AKAP19: variants seen among roughly 807,000 people sequenced by gnomAD.
AKAP19 encodes small A-kinase anchoring protein.
the AKAP19 span, among the ~76,000 whole-genome samples, chr2:190,185,127 T>C: frequency 2.6e-5 from 4 of 152,362 alleles, no homozygotes; most frequent in Admixed American, 1.3e-4. Context: ...AAATTACATA[T>C]ACTGCTGCCT....
At chr2:189,880,952 G>A in the AKAP19 span, among the ~76,000 whole-genome samples, 1 of 152,116 alleles carries the variant, frequency 6.6e-6, no homozygotes, top group Non-Finnish European at 1.5e-5. Context: ...AAATAATCTT[G>A]AGGTGAGCCA....
the AKAP19 span, among the ~76,000 whole-genome samples, chr2:189,993,342 C>T: frequency 6.6e-6 from 1 of 152,070 alleles, no homozygotes; most frequent in Non-Finnish European, 1.5e-5. Flanking sequence ...TTAAACTATC[C>T]CTCCATCCCT....
At chr2:190,188,604 A>G in the AKAP19 span, among the ~76,000 whole-genome samples, 3 of 148,934 alleles carry the variant, frequency 2.0e-5, no homozygotes, top group Admixed American at 2.0e-4. Flanking sequence ...CCTCCTTATG[A>G]ATCAACTATC....
chr2:190,058,364 A>T, the AKAP19 span, among the ~76,000 whole-genome samples: 1 of 151,980 alleles, frequency 6.6e-6, no homozygotes, highest in Non-Finnish European at 1.5e-5. Context: ...TCTACCTATA[A>T]AAAGGAACAC....
the AKAP19 span, among the ~76,000 whole-genome samples, chr2:190,196,982 G>C: frequency 6.6e-6 from 1 of 152,122 alleles, no homozygotes; most frequent in African/African-American, 2.4e-5. Flanking sequence ...CCAAGTTTAA[G>C]GCATGAGCAT....
At chr2:190,177,483 C>A in the AKAP19 span, among the ~76,000 whole-genome samples, 1 of 152,154 alleles carries the variant, frequency 6.6e-6, no homozygotes, top group African/African-American at 2.4e-5. The surrounding 1 kb of genome is among the most constrained non-coding windows in gnomAD (Gnocchi z 4.6). Context: ...AATCCCAGGG[C>A]CCGGATCCTT....
At chr2:189,986,403 C>T in the AKAP19 span, among the ~76,000 whole-genome samples, 1 of 147,016 alleles carries the variant, frequency 6.8e-6, no homozygotes, top group Non-Finnish European at 1.5e-5. Flanking sequence ...AAAAACAAAA[C>T]ACAAAAAAGA....
chr2:190,026,493 A>G, the AKAP19 span, among the ~76,000 whole-genome samples: 1 of 152,338 alleles, frequency 6.6e-6, no homozygotes, highest in Non-Finnish European at 1.5e-5. Flanking sequence ...TGGGAGAAGC[A>G]TATAGGAAAT....
chr2:189,938,048 T>C, the AKAP19 span, among the ~76,000 whole-genome samples: 1 of 152,096 alleles, frequency 6.6e-6, no homozygotes, highest in African/African-American at 2.4e-5. Flanking sequence ...GAAAATGTGG[T>C]ACTTAGGCCA....
At chr2:190,153,470 G>A in the AKAP19 span, among the ~76,000 whole-genome samples, 1 of 152,142 alleles carries the variant, frequency 6.6e-6, no homozygotes, top group Admixed American at 6.5e-5. Flanking sequence ...TCTTTGTCTA[G>A]TTCCAGACTT....
the AKAP19 span, among the ~76,000 whole-genome samples, chr2:189,995,698 G>T: frequency 6.6e-6 from 1 of 151,170 alleles, no homozygotes; most frequent in Non-Finnish European, 1.5e-5. Flanking sequence ...TTTTTTCACC[G>T]TGTTGTTGTT....
the AKAP19 span, among the ~76,000 whole-genome samples, chr2:190,191,468 C>A: frequency 2.0e-5 from 3 of 152,134 alleles, no homozygotes; most frequent in African/African-American, 7.2e-5. Context: ...TTTATGTGAA[C>A]ACAAATTTTC....
chr2:190,006,426 T>A, the AKAP19 span, among the ~76,000 whole-genome samples: 72 of 151,806 alleles, frequency 4.7e-4, no homozygotes, highest in African/African-American at 1.6e-3. Flanking sequence ...GACGGGCAGA[T>A]CATGAGGTCA....
At chr2:189,955,160 C>T in the AKAP19 span, among the ~76,000 whole-genome samples, 3 of 152,096 alleles carry the variant, frequency 2.0e-5, no homozygotes, top group Non-Finnish European at 2.9e-5. Flanking sequence ...TGCATGTACC[C>T]GTTGTTTAGC....
the AKAP19 span, among the ~76,000 whole-genome samples, chr2:190,171,250 AGTG>A: frequency 3.3e-5 from 5 of 151,988 alleles, no homozygotes; most frequent in African/African-American, 1.2e-4. Context: ...AAAAACAAAC[AGTG>A]CAATTCTCAT....
chr2:189,938,818 G>A, the AKAP19 span, among the ~76,000 whole-genome samples: 88 of 152,122 alleles, frequency 5.8e-4, no homozygotes, highest in Non-Finnish European at 1.1e-3. Context: ...AAAACATCTC[G>A]TGTACCCCAT....
the AKAP19 span, among the ~76,000 whole-genome samples, chr2:189,959,636 C>T: frequency 6.6e-6 from 1 of 152,264 alleles, no homozygotes; most frequent in South Asian, 2.1e-4. Flanking sequence ...AACATGTTGG[C>T]CACCTGCAAC....
chr2:190,130,534 C>T, the AKAP19 span, among the ~76,000 whole-genome samples: 1 of 152,160 alleles, frequency 6.6e-6, no homozygotes, highest in Non-Finnish European at 1.5e-5. Context: ...TCTCTTACCC[C>T]TGCAGTATGG....
At chr2:190,193,093 AAG>A in the AKAP19 span, among the ~76,000 whole-genome samples, 1 of 152,112 alleles carries the variant, frequency 6.6e-6, no homozygotes, top group Admixed American at 6.5e-5. Flanking sequence ...CATAGGGAAA[AAG>A]TGTTGTCTTT....
Sources: gnomAD v4.1 joint callset for allele counts (sites outside exome capture counted in the v4.1 genomes callset) on GRCh38, gnomAD v4.1.1 for gene constraint, Gnocchi (gnomAD v3.1) non-coding constraint, MANE v1.5 for transcripts, NCBI Gene and HGNC (gene_info 2026-07-23, HGNC 2026-07-21) for gene names.